The following TSPAN5 variants were observed in gnomAD, a reference collection of about 807,000 sequenced individuals.
TSPAN5 encodes the protein tetraspanin 5, also known as tetraspanin-5.
TSPAN5 carries 10 observed loss-of-function variants against 37.1 expected under a neutral mutation model. The ratio of observed to expected loss-of-function variants is 0.27; its 90% CI spans 0.17 to 0.46. The LOEUF (loss-of-function observed/expected upper bound fraction) is 0.46, where lower values mean the gene tolerates loss of function less well. Ranked by LOEUF, TSPAN5 falls within the 20% of genes least tolerant of loss-of-function variation. TSPAN5 has a pLI of 1.00. For synonymous variants in TSPAN5, 110 were observed against 118.9 expected (o/e 0.93, Z 0.48); for missense variants, 195 against 326.6 (o/e 0.60, Z 3.11).
intron 2 of TSPAN5, among the ~76,000 whole-genome samples, chr4:98,489,574 C>T (rs116840353): frequency 0.013 from 2,026 of 152,230 alleles, 40 homozygotes; most frequent in African/African-American, 0.046. Context: ...AGCTTTCACT[C>T]GCCGTCCACC....
At chr4:98,643,144 C>T (rs947644039) in intron 1 of TSPAN5, among the ~76,000 whole-genome samples, 12 of 152,138 alleles carry the variant, frequency 7.9e-5, no homozygotes, top group African/African-American at 2.9e-4. Flanking sequence ...TGGTGTACCA[C>T]TTTTTTATCT....
chr4:98,549,686 T>A (rs987671204), intron 1 of TSPAN5, among the ~76,000 whole-genome samples: 1 of 152,192 alleles, frequency 6.6e-6, no homozygotes, highest in Non-Finnish European at 1.5e-5. Context: ...TGTCTTCTTT[T>A]GAAAAATGTG....
At chr4:98,496,438 T>C (rs1037901539) in intron 2 of TSPAN5, 2 of 152,182 alleles carry the variant, frequency 1.3e-5, no homozygotes, top group African/African-American at 4.8e-5. Context: ...AAAAGACGAC[T>C]AGCTGCTTCA....
rs538884402 is a variant in TSPAN5 at position 98,531,419 on chromosome 4, A to G, written c.82-23691T>C. ...TGAACTCATCCTTTTTTATGGCTGCATAGCATTCCATAGTGTATATGTGCC... is the reference window on the plus strand; with the variant it reads ...TGAACTCATCCTTTTTTATGGCTGCGTAGCATTCCATAGTGTATATGTGCC... On this transcript the variant is annotated intron_variant, in intron 1 of 7. Transcript: ENST00000305798. Among the ~76,000 whole-genome samples the G allele has an allele frequency of 3.5e-4, 53 of 152,330 alleles. 1 individual carries two copies. In the East Asian group the frequency reaches 9.6e-3, roughly 28 times the overall value.
At chr4:98,585,601 C>A (rs890373436) in intron 1 of TSPAN5, among the ~76,000 whole-genome samples, 4 of 152,214 alleles carry the variant, frequency 2.6e-5, no homozygotes, top group South Asian at 2.1e-4. Flanking sequence ...TGAGCCACTG[C>A]GCCCAGCCTA....
At chr4:98,591,122 AT>A (rs1175401757) in intron 1 of TSPAN5, among the ~76,000 whole-genome samples, 10 of 136,276 alleles carry the variant, frequency 7.3e-5, no homozygotes, top group South Asian at 2.4e-4. Flanking sequence ...TTACAGACAT[AT>A]TTTTTTTAGG....
chr4:98,570,380 C>T (rs1339358385), intron 1 of TSPAN5, among the ~76,000 whole-genome samples: 1 of 152,158 alleles, frequency 6.6e-6, no homozygotes, highest in African/African-American at 2.4e-5. Flanking sequence ...CCAAACCATA[C>T]GTAAGGCACT....
At chr4:98,514,745 G>A (rs1753691478) in intron 1 of TSPAN5, among the ~76,000 whole-genome samples, 1 of 152,100 alleles carries the variant, frequency 6.6e-6, no homozygotes, top group Non-Finnish European at 1.5e-5. Flanking sequence ...CATTCATTTG[G>A]CAAATATTTA....
At chr4:98,480,056 T>C (rs1353492664) in intron 4 of TSPAN5, among the ~76,000 whole-genome samples, 2 of 152,174 alleles carry the variant, frequency 1.3e-5, no homozygotes, top group African/African-American at 2.4e-5. Flanking sequence ...GTGACCCCCC[T>C]GGACCCAGCT....
chr4:98,554,140 A>G (rs554609787), intron 1 of TSPAN5, among the ~76,000 whole-genome samples: 2 of 152,296 alleles, frequency 1.3e-5, no homozygotes, highest in East Asian at 1.9e-4. Flanking sequence ...AGGTCTTGCA[A>G]TCAAGTTTTT....
At chr4:98,488,868 T>G (rs1279461325) in intron 2 of TSPAN5, among the ~76,000 whole-genome samples, 1 of 152,066 alleles carries the variant, frequency 6.6e-6, no homozygotes. Flanking sequence ...GCCTGGGCAG[T>G]ATAGCGAGAC....
At chr4:98,492,981 A>G (rs1753117960) in intron 2 of TSPAN5, among the ~76,000 whole-genome samples, 1 of 152,182 alleles carries the variant, frequency 6.6e-6, no homozygotes, top group African/African-American at 2.4e-5. Context: ...AGTTGAGACC[A>G]GCCTGGGCAA....
chr4:98,530,730 T>TACAC (rs60087929), intron 1 of TSPAN5, among the ~76,000 whole-genome samples: 66,344 of 150,170 alleles, frequency 0.44, 14,608 homozygotes, highest in South Asian at 0.59. Context: ...ACACATATTA[T>TACAC]ACACACACAC....
At chr4:98,643,734 T>C (rs1757004927) in intron 1 of TSPAN5, among the ~76,000 whole-genome samples, 1 of 152,238 alleles carries the variant, frequency 6.6e-6, no homozygotes, top group Non-Finnish European at 1.5e-5. Flanking sequence ...AAATGCCACA[T>C]ATAGTTGTAT....
At chr4:98,510,355 T>C (rs1753577568) in intron 1 of TSPAN5, among the ~76,000 whole-genome samples, 1 of 152,150 alleles carries the variant, frequency 6.6e-6, no homozygotes, top group Admixed American at 6.5e-5. Context: ...TGGTACATGA[T>C]CAGCATATCA....
At chr4:98,606,411 A>G (rs1363220777) in intron 1 of TSPAN5, among the ~76,000 whole-genome samples, 1 of 152,240 alleles carries the variant, frequency 6.6e-6, no homozygotes, top group Non-Finnish European at 1.5e-5. Flanking sequence ...GAGCTACTCC[A>G]GGAAGGTTAC....
chr4:98,562,400 C>T (rs560176775), intron 1 of TSPAN5, among the ~76,000 whole-genome samples: 1 of 152,118 alleles, frequency 6.6e-6, no homozygotes, highest in Non-Finnish European at 1.5e-5. Flanking sequence ...CGGTGGCTCA[C>T]ACCTGTAATC....
At chr4:98,535,808 T>C (rs1463400334) in intron 1 of TSPAN5, among the ~76,000 whole-genome samples, 1 of 152,222 alleles carries the variant, frequency 6.6e-6, no homozygotes, top group Non-Finnish European at 1.5e-5. Context: ...CTATCCTTTC[T>C]TTTGCTTGAT....
chr4:98,473,166 C>G (rs1289256283), intron 7 of TSPAN5, among the ~76,000 whole-genome samples: 8 of 152,160 alleles, frequency 5.3e-5, no homozygotes, highest in Non-Finnish European at 1.2e-4. Context: ...TGGGTAAACA[C>G]TTTCTCAATT....
Sources: allele counts gnomAD v4.1 joint callset (sites outside exome capture counted in the v4.1 genomes callset), GRCh38; gene constraint gnomAD v4.1.1; transcripts MANE v1.5; gene names NCBI Gene and HGNC (gene_info 2026-07-23, HGNC 2026-07-21).